Variants in SLC12A7 observed in about 807,000 individuals in gnomAD.
The protein encoded by SLC12A7 is solute carrier family 12 member 7.
A neutral mutation model predicts 120.6 loss-of-function variants in SLC12A7; 100 were observed. The observed-to-expected ratio is 0.83, with a 90% CI of 0.71 to 0.98. The LOEUF (loss-of-function observed/expected upper bound fraction) is 0.98, where lower values mean the gene tolerates loss of function less well. Among genes scored for constraint, SLC12A7 ranks in the 50% least tolerant of loss-of-function variants. SLC12A7 has a pLI of 0.00. For missense variants in SLC12A7, 1,373 were observed against 1,548.1 expected (o/e 0.89, Z 1.90); for synonymous variants, 760 against 678.0 (o/e 1.12, Z -1.88).
chr5:1,089,243 G>T, intron 3 of SLC12A7, 115 bp from the exon 4 acceptor site: 2 of 1,139,330 alleles, frequency 1.8e-6, no homozygotes, highest in Non-Finnish European at 2.5e-6. Flanking sequence ...GCAGGAGGGG[G>T]CAGGAGTCCT....
At chr5:1,110,752 C>T (rs1723396969) in intron 1 of SLC12A7, among the ~76,000 whole-genome samples, 1 of 152,228 alleles carries the variant, frequency 6.6e-6, no homozygotes. Context: ...CCTGGCGCCC[C>T]GCCTGACCAC....
At chr5:1,067,681 G>A (rs114954013) in intron 17 of SLC12A7, among the ~76,000 whole-genome samples, 2,780 of 152,316 alleles carry the variant, frequency 0.018, 30 homozygotes, top group Non-Finnish European at 0.019. Flanking sequence ...CCGAGGAGTC[G>A]GAGCTGGGGA....
intron 22 of SLC12A7, among the ~76,000 whole-genome samples, chr5:1,054,201 G>A (rs1735359106): frequency 6.6e-6 from 1 of 152,216 alleles, no homozygotes; most frequent in Admixed American, 6.5e-5. Context: ...CTTCCACCGT[G>A]TGGCCGTCCA....
At chr5:1,135,741 G>C in the SLC12A7 span, among the ~76,000 whole-genome samples, 1 of 152,232 alleles carries the variant, frequency 6.6e-6, no homozygotes, top group Non-Finnish European at 1.5e-5. Flanking sequence ...GTTTACTGAA[G>C]GCTCAGCTTA....
intron 21 of SLC12A7, among the ~76,000 whole-genome samples, chr5:1,059,104 G>C (rs1735922423): frequency 6.6e-6 from 1 of 152,216 alleles, no homozygotes; most frequent in South Asian, 2.1e-4. Flanking sequence ...CGGATCTCAG[G>C]GACCTGGCCT....
chr5:1,060,977 G>A (rs1736129315), intron 20 of SLC12A7, among the ~76,000 whole-genome samples: 2 of 151,958 alleles, frequency 1.3e-5, no homozygotes, highest in South Asian at 2.1e-4. Context: ...GGACTGCTGC[G>A]TCTCACCCAC....
chr5:1,127,932 G>C, the SLC12A7 span, among the ~76,000 whole-genome samples: 1 of 152,212 alleles, frequency 6.6e-6, no homozygotes, highest in Non-Finnish European at 1.5e-5. Context: ...ACGAGGAGAT[G>C]CCCACACCCC....
the SLC12A7 span, among the ~76,000 whole-genome samples, chr5:1,139,444 G>A: frequency 1.5e-4 from 23 of 152,390 alleles, no homozygotes; most frequent in East Asian, 3.7e-3. Context: ...TGACAGATGC[G>A]GTTCTGGGAG....
At chr5:1,104,063 C>T (rs889067122) in intron 1 of SLC12A7, among the ~76,000 whole-genome samples, 6 of 152,194 alleles carry the variant, frequency 3.9e-5, no homozygotes, top group African/African-American at 7.2e-5. Flanking sequence ...CTCTGGGCTG[C>T]GGTCGGGGAC....
chr5:1,083,910 C>T lies in SLC12A7; in HGVS notation c.964G>A (p.Ala322Thr). 7 of 1,607,092 alleles carry T rather than the reference C, an allele frequency of 4.4e-6. No individual in the cohort carries two copies. The highest frequency in any genetic ancestry group is 1.1e-5 in the South Asian group (1 of 90,774). The change falls in exon 8 of 24, where the codon GCC becomes ACC. Residue 322 changes from alanine to threonine, a missense_variant. Physicochemically the swap from Ala to Thr is moderately conservative, Grantham distance 58 (BLOSUM62 0). Coordinates refer to ENST00000264930, the MANE Select transcript of SLC12A7 (RefSeq NM_006598.3). ...NRTLSRRSFDACVKAYGIHNN... is the reference protein window; with the variant it reads ...NRTLSRRSFDTCVKAYGIHNN... Reference sequence around the variant, plus strand: ...TGGATGCCGTAGGCCTTGACGCAGGCATCGAAGCTGCGCCGTGACAGCGTG... The same window carrying T: ...TGGATGCCGTAGGCCTTGACGCAGGTATCGAAGCTGCGCCGTGACAGCGTG...
At chr5:1,155,350 C>T in the SLC12A7 span, among the ~76,000 whole-genome samples, 1 of 152,204 alleles carries the variant, frequency 6.6e-6, no homozygotes, top group Non-Finnish European at 1.5e-5. Context: ...TCCCCGCCCT[C>T]CCCGCGAAGT....
chr5:1,086,319 G>C (rs921330742), intron 6 of SLC12A7, among the ~76,000 whole-genome samples: 4 of 152,182 alleles, frequency 2.6e-5, no homozygotes, highest in Admixed American at 2.6e-4. Context: ...AGGGACAGCG[G>C]GTTTCAGAAC....
chr5:1,085,566 C>T, intron 6 of SLC12A7, 93 bp from the exon 7 acceptor site: 1 of 1,460,726 alleles, frequency 6.8e-7, no homozygotes, highest in East Asian at 2.5e-5. Flanking sequence ...ACAGGGGCCT[C>T]CTCCCAACAG....
At chr5:1,131,159 C>G in the SLC12A7 span, among the ~76,000 whole-genome samples, 389 of 152,294 alleles carry the variant, frequency 2.6e-3, 8 homozygotes, top group South Asian at 0.011. Flanking sequence ...ACAGGGACGT[C>G]CCGGATCGCT....
chr5:1,080,919 A>C (rs1477403851), intron 9 of SLC12A7, among the ~76,000 whole-genome samples: 2 of 152,194 alleles, frequency 1.3e-5, no homozygotes, highest in East Asian at 3.9e-4. Context: ...GACGCAGGGC[A>C]GAGACCTCAG....
intron 22 of SLC12A7, 148 bp from the exon 23 acceptor site, chr5:1,053,630 A>G (rs1197724822): frequency 4.5e-6 from 5 of 1,119,444 alleles, no homozygotes; most frequent in East Asian, 2.6e-5. Context: ...ACCCTGAAGG[A>G]TGCAGAAGTG....
the SLC12A7 span, among the ~76,000 whole-genome samples, chr5:1,152,629 C>T: frequency 5.4e-5 from 6 of 110,364 alleles, no homozygotes; most frequent in East Asian, 9.2e-4. Context: ...AGCTAGAGAA[C>T]GGAGACCCCC....
At chr5:1,059,968 C>T (rs576725732) in intron 21 of SLC12A7, among the ~76,000 whole-genome samples, 170 of 152,334 alleles carry the variant, frequency 1.1e-3, no homozygotes, top group Middle Eastern at 3.4e-3. Flanking sequence ...AAGCCGCTGA[C>T]CCTGTCAGAG....
In SLC12A7 at chr5:1,075,364, C is replaced by A. The variant is rs781462017; in HGVS notation, c.1967+7G>T. ...CCGGGTCTGTAAGGGGGGCTGACAGCGCTTACCCGCGGTACTCGATGTACT... is the reference window on the plus strand; with the variant it reads ...CCGGGTCTGTAAGGGGGGCTGACAGAGCTTACCCGCGGTACTCGATGTACT... On this transcript the variant is annotated splice_region_variant and intron_variant, in intron 15 of 23. Transcript: ENST00000264930. 1.2e-6 allele frequency: 2 copies of A among 1,608,294 alleles called. No individual in the cohort carries two copies. Among genetic ancestry groups the A allele is most frequent in the Non-Finnish European group, 1.7e-6 (2 of 1,176,382 alleles).
Sources: gnomAD v4.1 joint callset for allele counts (sites outside exome capture counted in the v4.1 genomes callset) on GRCh38, gnomAD v4.1.1 for gene constraint, MANE v1.5 for transcripts, NCBI Gene and HGNC (gene_info 2026-07-23, HGNC 2026-07-21) for gene names.